Variants in STRA8 observed in about 807,000 individuals in gnomAD.
The protein encoded by STRA8 is stimulated by retinoic acid 8.
A neutral mutation model predicts 37.1 loss-of-function variants in STRA8; 18 were observed. The observed-to-expected ratio is 0.48, with a 90% CI of 0.34 to 0.72. The LOEUF is 0.72. Ranked by LOEUF, STRA8 falls within the 30% of genes least tolerant of loss-of-function variation. STRA8 has a pLI of 0.01. For synonymous variants in STRA8, 168 were observed against 162.9 expected (o/e 1.03, Z -0.24); for missense variants, 357 against 410.4 (o/e 0.87, Z 1.13).
intron 4 of STRA8, among the ~76,000 whole-genome samples, chr7:135,244,248 G>A (rs1382424705): frequency 2.6e-5 from 4 of 152,108 alleles, no homozygotes; most frequent in Non-Finnish European, 5.9e-5. Flanking sequence ...TAGTAGACAC[G>A]GGGTTTCAAC....
chr7:135,236,807 G>T (rs112382897), intron 1 of STRA8, among the ~76,000 whole-genome samples: 4 of 152,162 alleles, frequency 2.6e-5, no homozygotes, highest in African/African-American at 9.6e-5. Context: ...CCATCCCCAC[G>T]CTTGGGAGAT....
chr7:135,258,388 A>G, intron 8 of STRA8, 30 bp from the exon 9 acceptor site: 1 of 1,574,228 alleles, frequency 6.4e-7, no homozygotes, highest in Non-Finnish European at 8.6e-7. Flanking sequence ...ACAGATAAAA[A>G]GTGACCCTCT....
At chr7:135,252,952 T>C (rs1235211296) in intron 7 of STRA8, among the ~76,000 whole-genome samples, 1 of 151,916 alleles carries the variant, frequency 6.6e-6, no homozygotes, top group Admixed American at 6.6e-5. Context: ...TTTTTTTTTC[T>C]AAGACAGAGT....
In STRA8 at chr7:135,245,480, C is replaced by A; in HGVS notation, c.546C>A (p.Ile182=). Residue 182 remains isoleucine, a synonymous_variant, in exon 5 of 9, where the codon ATC becomes ATA. Coordinates refer to ENST00000662584, the MANE Select transcript of STRA8 (RefSeq NM_001394401.1). ...AGGAGGAAGAGGAGAAAAAAGTGAT[C>A]TTATACTCCCCAGGAACTTTGTCGC... The part of the protein sequence containing the change: ...EEEEEEEKKV[I]LYSPGTLSPD... 2 of 683,554 alleles carry A rather than the reference C, an allele frequency of 2.9e-6. No individual in the cohort carries two copies. The highest frequency in any genetic ancestry group is 2.7e-6 in the Non-Finnish European group (1 of 374,484). 42.3% of individuals were successfully genotyped at this position (683,554 alleles called of 1,614,324 possible). A position where few individuals can be genotyped will look rare whatever the true frequency, so the allele number is the denominator to read the frequency against.
chr7:135,236,588 C>A (rs770676528), intron 1 of STRA8, among the ~76,000 whole-genome samples: 107 of 152,270 alleles, frequency 7.0e-4, no homozygotes, highest in Non-Finnish European at 1.2e-3. Flanking sequence ...GATAGGATAT[C>A]CAGCTTCTTC....
At position 135,240,502 on chromosome 7, in the gene STRA8, A is replaced by G. The variant is rs1832445563; in HGVS notation, c.-6-17A>G. The G allele has an allele frequency of 1.0e-5, 16 of 1,583,850 alleles. No homozygotes were observed. The highest frequency in any genetic ancestry group is 1.2e-5 in the Non-Finnish European group (14 of 1,165,132). ...TATTATCTAGGGCAAAAAAAAAAGC[A>G]TACTATTACATTACAGCTTATAATG... is the stretch of plus-strand genomic sequence containing the variant. On this transcript the variant is annotated splice_polypyrimidine_tract_variant and intron_variant, in intron 1 of 8. Coordinates refer to ENST00000662584, the MANE Select transcript of STRA8 (RefSeq NM_001394401.1).
At chr7:135,232,592 C>G (rs1832309659), upstream of STRA8, among the ~76,000 whole-genome samples, 1 of 151,770 alleles carries the variant, frequency 6.6e-6, no homozygotes, top group African/African-American at 2.4e-5. Context: ...GCAGTGCACT[C>G]CAACCTGGGC....
chr7:135,250,631 G>A (rs1178193472), intron 6 of STRA8, among the ~76,000 whole-genome samples: 2 of 152,198 alleles, frequency 1.3e-5, no homozygotes, highest in Non-Finnish European at 2.9e-5. Flanking sequence ...AGACCCTGGC[G>A]GAACCTGCCA....
At position 135,246,240 on chromosome 7, in the gene STRA8, C is replaced by G. The variant is rs944681599; in HGVS notation, c.594-177C>G. The G allele has an allele frequency of 9.6e-6, 8 of 832,018 alleles. No homozygotes were observed. Among genetic ancestry groups the G allele is most frequent in the Non-Finnish European group, 1.3e-5 (7 of 537,212 alleles). The allele number at this position is 832,018 out of a possible 1,614,324, so 51.5% of individuals were successfully genotyped here. On this transcript the variant is annotated intron_variant, in intron 5 of 8. Coordinates refer to ENST00000662584, the MANE Select transcript of STRA8 (RefSeq NM_001394401.1). The surrounding 1 kb of genome is among the most constrained non-coding windows in gnomAD (Gnocchi z 5.4). Reference sequence around the variant, plus strand: ...CCCAAGTCTATGTCCTTCATGGCCCCCAGGAAGGCTGCTGCTCTCCAAGGG... The same window carrying G: ...CCCAAGTCTATGTCCTTCATGGCCCGCAGGAAGGCTGCTGCTCTCCAAGGG...
intron 6 of STRA8, among the ~76,000 whole-genome samples, chr7:135,247,632 C>G (rs190571607): frequency 6.6e-6 from 1 of 152,358 alleles, no homozygotes; most frequent in Non-Finnish European, 1.5e-5. Flanking sequence ...GAGGGAATCA[C>G]ACTTGGACCA....
At chr7:135,240,925 A>G (rs933112758) in intron 2 of STRA8, among the ~76,000 whole-genome samples, 1 of 152,180 alleles carries the variant, frequency 6.6e-6, no homozygotes, top group Non-Finnish European at 1.5e-5. Flanking sequence ...CAAAGGTGCC[A>G]TCAGATTGGG....
intron 1 of STRA8, among the ~76,000 whole-genome samples, chr7:135,234,409 A>G (rs1380857981): frequency 6.6e-6 from 1 of 152,184 alleles, no homozygotes; most frequent in Non-Finnish European, 1.5e-5. Flanking sequence ...CACCCAGCCA[A>G]TTCTGGATTA....
At chr7:135,255,029 C>T (rs955018934) in intron 7 of STRA8, 85 bp from the exon 8 acceptor site, 9 of 1,121,494 alleles carry the variant, frequency 8.0e-6, no homozygotes, top group Admixed American at 3.4e-5. Context: ...CATACTGTAA[C>T]CCAAATCTTT....
chr7:135,239,314 G>T (rs549860326), intron 1 of STRA8, among the ~76,000 whole-genome samples: 1 of 152,290 alleles, frequency 6.6e-6, no homozygotes, highest in South Asian at 2.1e-4. Flanking sequence ...CTGCACGCTG[G>T]GTTCAGATCC....
At chr7:135,252,017 T>TGC in intron 7 of STRA8, 148 bp downstream of exon 7, 2 of 620,558 alleles carry the variant, frequency 3.2e-6, no homozygotes, top group South Asian at 1.8e-5. Flanking sequence ...AGAGAGAGTG[T>TGC]GTGTGTGTGT....
At position 135,246,241 on chromosome 7, in the gene STRA8, CAGGA is replaced by C; in HGVS notation, c.594-172_594-169del. 1 of 839,556 alleles carries C rather than the reference CAGGA, an allele frequency of 1.2e-6. No individual in the cohort carries two copies. Among genetic ancestry groups the C allele is most frequent in the Non-Finnish European group, 1.8e-6 (1 of 543,534 alleles). 52.0% of individuals were successfully genotyped at this position (839,556 alleles called of 1,614,324 possible). A position where few individuals can be genotyped will look rare whatever the true frequency, so the allele number is the denominator to read the frequency against. On this transcript the variant is annotated intron_variant, in intron 5 of 8. Coordinates refer to ENST00000662584, the MANE Select transcript of STRA8 (RefSeq NM_001394401.1). This position sits in a 1 kb window ranked among gnomAD's most constrained non-coding sequence, Gnocchi z 5.4. The stretch of plus-strand genomic sequence containing the variant: ...CCAAGTCTATGTCCTTCATGGCCCC[CAGGA>C]AGGCTGCTGCTCTCCAAGGGCCAGG...
Position 135,247,011 on chromosome 7 carries a change from A to AT in STRA8, c.879+316dup, listed in dbSNP as rs563158343. Reference sequence around the variant, plus strand: ...AGGCGCCCGCCACCACGCCCGGCTAATTTTTTTGTATTTTTAGTAGAGACG... The same window carrying AT: ...AGGCGCCCGCCACCACGCCCGGCTAATTTTTTTTGTATTTTTAGTAGAGACG... On this transcript the variant is annotated intron_variant, in intron 6 of 8. Coordinates refer to ENST00000662584, the MANE Select transcript of STRA8 (RefSeq NM_001394401.1). The AT allele has an allele frequency of 1.0e-3, 295 of 290,890 alleles. 2 individuals carry two copies. Among genetic ancestry groups the AT allele is most frequent in the African/African-American group, 6.3e-3 (278 of 44,028 alleles). 18.0% of individuals were successfully genotyped at this position (290,890 alleles called of 1,614,324 possible).
Position 135,246,316 on chromosome 7 carries a change from CGTGGCCGGGCCT to C in STRA8, c.594-99_594-88del, listed in dbSNP as rs1832552412. The C allele has an allele frequency of 2.7e-6, 4 of 1,486,638 alleles. No homozygotes were observed. In the East Asian group the frequency reaches 9.9e-5, roughly 37 times the overall value. The allele number at this position is 1,486,638 out of a possible 1,614,324, so 92.1% of individuals were successfully genotyped here. The stretch of plus-strand genomic sequence containing the variant: ...TCTCAGCCCTGGTGAGCCGTGGCGC[CGTGGCCGGGCCT>C]GCGTGCTGGGGTCCACACCATGAAC... On this transcript the variant is annotated intron_variant, in intron 5 of 8. Transcript: ENST00000662584. The surrounding 1 kb of genome is among the most constrained non-coding windows in gnomAD (Gnocchi z 5.4).
In STRA8 at chr7:135,246,559, C is replaced by T. The variant is rs1236550062; in HGVS notation, c.736C>T (p.Arg246Trp). ...CTCGGAGGAGAGGAAGGCCAGCCTC[C>T]GGCAGGCCTGGGCGCAGAAGCACCG... ...NLSEERKASL[R>W]QAWAQKHRGP... The change falls in exon 6 of 9, where the codon CGG becomes TGG. Residue 246 changes from arginine (R) to tryptophan (W), a missense_variant. By Grantham distance (101) the Arg-to-Trp change is moderately radical (BLOSUM62 -3). Coordinates refer to ENST00000662584, the MANE Select transcript of STRA8 (RefSeq NM_001394401.1). The surrounding 1 kb of genome is among the most constrained non-coding windows in gnomAD (Gnocchi z 5.4). 6.4e-6 allele frequency: 10 copies of T among 1,563,770 alleles called. No individual in the cohort carries two copies. The highest frequency in any genetic ancestry group is 8.7e-6 in the Non-Finnish European group (10 of 1,155,004).
Sources: gnomAD v4.1 joint callset for allele counts (sites outside exome capture counted in the v4.1 genomes callset) on GRCh38, gnomAD v4.1.1 for gene constraint, Gnocchi (gnomAD v3.1) non-coding constraint, MANE v1.5 for transcripts, NCBI Gene and HGNC (gene_info 2026-07-23, HGNC 2026-07-21) for gene names.